Variants in TBX3 observed in about 807,000 individuals in gnomAD.
TBX3 encodes T-box transcription factor 3.
TBX3 carries 11 observed loss-of-function variants against 47.8 expected under a neutral mutation model. The observed-to-expected ratio is 0.23, with a 90% CI of 0.14 to 0.38. The LOEUF is 0.38. Among genes scored for constraint, TBX3 ranks in the 10% least tolerant of loss-of-function variants. TBX3 has a pLI of 1.00. For missense variants in TBX3, 927 were observed against 1,022.8 expected, an observed-to-expected ratio of 0.91 and a Z score of 1.28; for synonymous variants, 500 against 449.3, an observed-to-expected ratio of 1.11 and a Z score of -1.43.
In TBX3 at chr12:114,683,816, C is replaced by G. The variant is rs940896531; in HGVS notation, c.-616G>C. On this transcript the variant is annotated 5_prime_UTR_variant, in exon 1 of 7. Coordinates refer to ENST00000349155, the MANE Select transcript of TBX3 (RefSeq NM_005996.4). This position sits in a 1 kb window ranked among gnomAD's most constrained non-coding sequence, Gnocchi z 7.7. ...AAAAAAAAAAAAATCTGATTTAAAC[C>G]CCCTTCTACCAGCGCTATCAAAACT... The G allele has an allele frequency of 1.7e-5, 4 of 231,714 alleles. No individual in the cohort carries two copies. Among genetic ancestry groups the G allele is most frequent in the African/African-American group, 8.8e-5 (4 of 45,312 alleles). 14.4% of individuals were successfully genotyped at this position (231,714 alleles called of 1,614,324 possible).
intron 4 of TBX3, among the ~76,000 whole-genome samples, chr12:114,676,913 T>C (rs919943464): frequency 2.6e-5 from 4 of 152,188 alleles, no homozygotes; most frequent in African/African-American, 9.7e-5. Flanking sequence ...GTGGCTAAGA[T>C]TGGGAGGAAG....
chr12:114,678,810 C>T (rs75698974), intron 3 of TBX3, among the ~76,000 whole-genome samples: 1 of 152,122 alleles, frequency 6.6e-6, no homozygotes, highest in African/African-American at 2.4e-5. Context: ...CTCTAGATAT[C>T]AGGTGCTTTC....
chr12:114,677,786 A>AAGGAGATAAT, intron 3 of TBX3, 130 bp from the exon 4 acceptor site: 1 of 828,204 alleles, frequency 1.2e-6, no homozygotes, highest in Non-Finnish European at 2.0e-6. Context: ...ATGCCAGGGA[A>AAGGAGATAAT]AGGAGATAAT....
At chr12:114,675,633 AGTGTGTGTGTGTGTGTGTGT>A (rs3068612) in intron 5 of TBX3, among the ~76,000 whole-genome samples, 2,194 of 150,096 alleles carry the variant, frequency 0.015, 54 homozygotes, top group African/African-American at 0.049. Flanking sequence ...TCCCGTTGAG[AGTGTGTGTGTGTGTGTGTGT>A]GTGTGTGTGT....
intron 2 of TBX3, chr12:114,680,625 A>C: frequency 1.7e-6 from 1 of 599,790 alleles, no homozygotes; most frequent in East Asian, 2.9e-5. Context: ...CTCTCAGGTC[A>C]GGAATCTACC....
At chr12:114,682,512 A>G (rs1391069795) in intron 1 of TBX3, among the ~76,000 whole-genome samples, 2 of 151,250 alleles carry the variant, frequency 1.3e-5, no homozygotes, top group Non-Finnish European at 2.9e-5. Flanking sequence ...CTTGCAGTAG[A>G]GTGCCTTTTT....
Position 114,674,759 on chromosome 12 carries a change from C to T in TBX3, c.1116G>A (p.Ala372=), listed in dbSNP as rs2121385414. ...KEEHGPEACD[A]AKISTTTSEE... ...CCGACGTGGTGGTGGAGATCTTGGC[C>T]GCGTCGCAGGCCTCGGGGCCATGCT... Residue 372 remains alanine, a synonymous_variant, in exon 6 of 7, where the codon GCG becomes GCA. Coordinates refer to ENST00000349155, the MANE Select transcript of TBX3 (RefSeq NM_005996.4). The T allele has an allele frequency of 6.3e-7, 1 of 1,590,538 alleles. No individual in the cohort carries two copies.
At position 114,671,607 on chromosome 12, in the gene TBX3, C is replaced by A. The variant is rs1592845699; in HGVS notation, c.*234G>T. On this transcript the variant is annotated 3_prime_UTR_variant, in exon 7 of 7. Transcript: ENST00000349155. ...AACTCCTACCCCCAGTAGCTCAATG[C>A]AACCGACGTTTCTGAGCCCCCAGAA... 3.3e-5 allele frequency: 20 copies of A among 606,546 alleles called. No homozygotes were observed. In the South Asian group the frequency reaches 4.0e-4, roughly 12 times the overall value. 37.6% of individuals were successfully genotyped at this position (606,546 alleles called of 1,614,324 possible). A position where few individuals can be genotyped will look rare whatever the true frequency, so the allele number is the denominator to read the frequency against.
Position 114,679,636 on chromosome 12 carries a change from T to A in TBX3, c.673A>T (p.Met225Leu). Residue 225 changes from methionine (M) to leucine (L), a missense_variant, in exon 3 of 7, where the codon ATG becomes TTG. Transcript: ENST00000349155. ...DKHGFTILNS[M>L]HKYQPRFHIV... is the part of the protein sequence containing the mutation. Reference sequence around the variant, plus strand: ...TGGAACCGGGGCTGGTATTTGTGCATGGAGTTCAATATAGTCTGCAGGGGC... The same window carrying A: ...TGGAACCGGGGCTGGTATTTGTGCAAGGAGTTCAATATAGTCTGCAGGGGC... 6.2e-7 allele frequency: 1 copy of A among 1,614,134 alleles called. No homozygotes were observed. The highest frequency in any genetic ancestry group is 8.5e-7 in the Non-Finnish European group (1 of 1,180,010).
At position 114,671,915 on chromosome 12, in the gene TBX3, C is replaced by A; in HGVS notation, c.2098G>T (p.Glu700Ter). 1 of 1,584,494 alleles carries A rather than the reference C, an allele frequency of 6.3e-7. No homozygotes were observed. Among genetic ancestry groups the A allele is most frequent in the Non-Finnish European group, 8.6e-7 (1 of 1,165,500 alleles). ...ACCAACCGCTGGATGCTCTGCAGTT[C>A]GCTGGTGGCCGCCTCTTTCTCCGCG... ...LCAEKEAATS[E>*]LQSIQRLVSG... Residue 700 changes from glutamate (E) to a stop codon, truncating the protein, a stop_gained, in exon 7 of 7, where the codon GAA becomes TAA. Transcript: ENST00000349155. LOFTEE classifies it high-confidence loss of function.
chr12:114,679,737 C>T (rs974564979), intron 2 of TBX3, 86 bp from the exon 3 acceptor site: 1 of 1,597,298 alleles, frequency 6.3e-7, no homozygotes, highest in Non-Finnish European at 8.6e-7. Flanking sequence ...AGGCTGAAAT[C>T]TTCCCCACCG....
At chr12:114,678,019 T>TAC (rs1391545179) in intron 3 of TBX3, among the ~76,000 whole-genome samples, 1 of 108,568 alleles carries the variant, frequency 9.2e-6, no homozygotes, top group African/African-American at 3.5e-5. Context: ...GCATACTCCC[T>TAC]TCACACACAC....
chr12:114,680,569 A>G, intron 2 of TBX3: 1 of 484,428 alleles, frequency 2.1e-6, no homozygotes, highest in Non-Finnish European at 3.7e-6. Flanking sequence ...AGGAATACAT[A>G]GCCTTGAAAT....
At chr12:114,682,129 A>ATACCTAAAACAT (rs1868956415) in intron 1 of TBX3, among the ~76,000 whole-genome samples, 1 of 152,210 alleles carries the variant, frequency 6.6e-6, no homozygotes. Flanking sequence ...ATTATGTAAA[A>ATACCTAAAACAT]TATGGTTGAT....
In TBX3 at chr12:114,674,660, G is replaced by T; in HGVS notation, c.1215C>A (p.Ser405Arg). 6.2e-7 allele frequency: 1 copy of T among 1,607,320 alleles called. No individual in the cohort carries two copies. ...HLFAAERPRDSGRLDKASPDS... is the reference protein window; with the variant it reads ...HLFAAERPRDRGRLDKASPDS... ...CGGGCGACGCTTTGTCCAGCCGCCC[G>T]CTGTCCCGGGGCCGCTCAGCAGCGA... is the stretch of plus-strand genomic sequence containing the variant. Residue 405 changes from serine (S) to arginine (R), a missense_variant, in exon 6 of 7, where the codon AGC becomes AGA. By Grantham distance (110) the Ser-to-Arg change is moderately radical. Transcript: ENST00000349155.
In TBX3 at chr12:114,679,493, C is replaced by G. The variant is rs1868838779; in HGVS notation, c.804+12G>C. The stretch of plus-strand genomic sequence containing the variant: ...AATATCACCATTAAAAAGGAAAGCC[C>G]CTTGAGTTTACCTTATCATTCTGGT... On this transcript the variant is annotated intron_variant, in intron 3 of 6. Coordinates refer to ENST00000349155, the MANE Select transcript of TBX3 (RefSeq NM_005996.4). 1 of 1,613,962 alleles carries G rather than the reference C, an allele frequency of 6.2e-7. No homozygotes were observed. Among genetic ancestry groups the G allele is most frequent in the Admixed American group, 1.7e-5 (1 of 60,000 alleles).
Position 114,684,086 on chromosome 12 carries a change from G to GAC in TBX3, c.-887_-886insGT. 4.3e-6 allele frequency: 1 copy of GAC among 231,862 alleles called. No homozygotes were observed. Among genetic ancestry groups the GAC allele is most frequent in the East Asian group, 6.1e-5 (1 of 16,440 alleles). The allele number at this position is 231,862 out of a possible 1,614,324, so 14.4% of individuals were successfully genotyped here. On this transcript the variant is annotated 5_prime_UTR_variant, in exon 1 of 7. Coordinates refer to ENST00000349155, the MANE Select transcript of TBX3 (RefSeq NM_005996.4). ...GAGAGGGAGGGGAGAGAGAGAGAGA[G>GAC]AGAGAGAGACGGAGTCGGAGAGGGA... is the stretch of plus-strand genomic sequence containing the variant.
chr12:114,673,470 G>A (rs1201925463), intron 6 of TBX3, among the ~76,000 whole-genome samples: 1 of 152,114 alleles, frequency 6.6e-6, no homozygotes, highest in Non-Finnish European at 1.5e-5. Flanking sequence ...CATTTCCCAC[G>A]TGTGCACAAA....
intron 6 of TBX3, among the ~76,000 whole-genome samples, chr12:114,673,137 A>G (rs1284130332): frequency 1.3e-5 from 2 of 152,214 alleles, no homozygotes; most frequent in Non-Finnish European, 2.9e-5. Flanking sequence ...TTGGTGTACC[A>G]ACCACCTGCC....
Sources: gnomAD v4.1 joint callset for allele counts (sites outside exome capture counted in the v4.1 genomes callset) on GRCh38, gnomAD v4.1.1 for gene constraint, Gnocchi (gnomAD v3.1) non-coding constraint, MANE v1.5 for transcripts, NCBI Gene and HGNC (gene_info 2026-07-23, HGNC 2026-07-21) for gene names.